The following KIAA0825 variants were observed in gnomAD, a reference collection of about 807,000 sequenced individuals.
KIAA0825 encodes KIAA0825.
KIAA0825 carries 119 observed loss-of-function variants against 147.6 expected under a neutral mutation model. The ratio of observed to expected loss-of-function variants is 0.81; its 90% CI spans 0.69 to 0.94. KIAA0825 has a LOEUF of 0.94. Among genes scored for constraint, KIAA0825 ranks in the 40% least tolerant of loss-of-function variants. KIAA0825 has a pLI of 0.00. For missense variants in KIAA0825, 1,381 were observed against 1,472.7 expected (o/e 0.94, Z 1.02); for synonymous variants, 470 against 518.1 (o/e 0.91, Z 1.26).
At position 94,484,877 on chromosome 5, in the gene KIAA0825, C is replaced by T. The variant is rs938625855; in HGVS notation, c.1024G>A (p.Val342Ile). ...GRNFSLPLDK[V>I]EFLSQLIKSF... ...TTTATGAGCTGCGATAAGAATTCGA[C>T]TTTGTCTAAAGGGAGAGAGAAGTTT... The change falls in exon 6 of 21, where the codon GTC becomes ATC. Residue 342 changes from valine to isoleucine, a missense_variant. Physicochemically the swap from Val to Ile is conservative, Grantham distance 29. Transcript: ENST00000682413. 6.5e-7 allele frequency: 1 copy of T among 1,538,830 alleles called. No individual in the cohort carries two copies. Among genetic ancestry groups the T allele is most frequent in the East Asian group, 2.5e-5 (1 of 40,634 alleles).
intron 5 of KIAA0825, among the ~76,000 whole-genome samples, chr5:94,497,722 G>C (rs1764551015): frequency 2.0e-5 from 3 of 152,184 alleles, no homozygotes; most frequent in Admixed American, 1.3e-4. Context: ...TCAAACTTTA[G>C]CATGTATCAG....
At chr5:94,186,407 C>T (rs1770124274) in intron 20 of KIAA0825, among the ~76,000 whole-genome samples, 1 of 151,958 alleles carries the variant, frequency 6.6e-6, no homozygotes, top group African/African-American at 2.4e-5. Context: ...ATAATATTTC[C>T]ATTTGGAAGA....
At chr5:94,608,261 ATTTG>A (rs1003415347) in intron 1 of KIAA0825, among the ~76,000 whole-genome samples, 35 of 122,450 alleles carry the variant, frequency 2.9e-4, no homozygotes, top group Non-Finnish European at 1.1e-4. Flanking sequence ...TTATTTATTT[ATTTG>A]TTTATTTATT....
chr5:94,272,018 C>G (rs1359566409), intron 20 of KIAA0825, among the ~76,000 whole-genome samples: 1 of 145,606 alleles, frequency 6.9e-6, no homozygotes, highest in Non-Finnish European at 1.5e-5. Context: ...TTTGCAACAG[C>G]ATGGATGGAA....
intron 20 of KIAA0825, among the ~76,000 whole-genome samples, chr5:94,259,161 G>T (rs1216823788): frequency 6.6e-6 from 1 of 151,994 alleles, no homozygotes; most frequent in Non-Finnish European, 1.5e-5. Context: ...TGCAGTTACA[G>T]AACTCATACT....
chr5:94,578,522 T>C (rs767332097), intron 2 of KIAA0825, among the ~76,000 whole-genome samples: 2 of 152,324 alleles, frequency 1.3e-5, no homozygotes, highest in Non-Finnish European at 2.9e-5. Flanking sequence ...TTATGTTTTT[T>C]TTCTGTTCTT....
chr5:94,431,037 G>A (rs1036110640), intron 14 of KIAA0825, among the ~76,000 whole-genome samples: 7 of 152,150 alleles, frequency 4.6e-5, no homozygotes, highest in Non-Finnish European at 7.4e-5. Context: ...GTATGCTTAC[G>A]TGGAAGGGGA....
At chr5:94,358,174 C>A (rs1202402395) in intron 20 of KIAA0825, among the ~76,000 whole-genome samples, 1 of 152,196 alleles carries the variant, frequency 6.6e-6, no homozygotes, top group Non-Finnish European at 1.5e-5. Context: ...GGTATTCTTA[C>A]AGCTTTTTCT....
intron 20 of KIAA0825, among the ~76,000 whole-genome samples, chr5:94,373,307 T>C (rs1055504752): frequency 4.6e-5 from 7 of 152,188 alleles, no homozygotes; most frequent in African/African-American, 1.7e-4. Flanking sequence ...CCCTCCTCCC[T>C]TGGTACCAAT....
intron 20 of KIAA0825, among the ~76,000 whole-genome samples, chr5:94,178,822 G>T (rs1455619762): frequency 6.6e-6 from 1 of 151,904 alleles, no homozygotes. Flanking sequence ...GTACCTAAAA[G>T]AAATGGAAAT....
chr5:94,491,469 C>T lies in KIAA0825; in HGVS notation c.971-6539G>A, dbSNP rs56077235. Among the ~76,000 whole-genome samples the T allele has an allele frequency of 4.6e-3, 699 of 152,238 alleles. 6 individuals are homozygous for T. The highest frequency in any genetic ancestry group is 0.01 in the Admixed American group (158 of 15,302). Reference sequence around the variant, plus strand: ...TGGATAGCAGTGGTCTGAAGAAGCACTGGGCCTCCTCAAATGCTCGGTTCC... The same window carrying T: ...TGGATAGCAGTGGTCTGAAGAAGCATTGGGCCTCCTCAAATGCTCGGTTCC... On this transcript the variant is annotated intron_variant, in intron 5 of 20. Coordinates refer to ENST00000682413, the MANE Select transcript of KIAA0825 (RefSeq NM_001145678.3).
chr5:94,391,481 G>A lies in KIAA0825; in HGVS notation c.3456+54C>T, dbSNP rs1006848726. ...GACTAACCCTTAGCTGCCAGCAGAC[G>A]CTGCCTCAGGCCAGTACACACCTAA... On this transcript the variant is annotated intron_variant, in intron 18 of 20. Transcript: ENST00000682413. The A allele has an allele frequency of 2.3e-5, 35 of 1,532,004 alleles. No homozygotes were observed. In the East Asian group the frequency reaches 2.7e-4, roughly 12 times the overall value. 94.9% of individuals were successfully genotyped at this position (1,532,004 alleles called of 1,614,324 possible). A position where few individuals can be genotyped will look rare whatever the true frequency, so the allele number is the denominator to read the frequency against.
intron 20 of KIAA0825, among the ~76,000 whole-genome samples, chr5:94,302,630 G>T (rs13153203): frequency 0.13 from 19,944 of 151,886 alleles, 1,449 homozygotes; most frequent in African/African-American, 0.18. Context: ...GCCTTGGATT[G>T]TTCTTTATTA....
At chr5:94,190,167 C>A (rs1201985854) in intron 20 of KIAA0825, among the ~76,000 whole-genome samples, 1 of 152,136 alleles carries the variant, frequency 6.6e-6, no homozygotes, top group Admixed American at 6.5e-5. Context: ...AGATTTAATA[C>A]CTTTTTTGTG....
chr5:94,513,683 TAGATAAAGATATGTACACATAC>T (rs1766816195), intron 5 of KIAA0825, among the ~76,000 whole-genome samples: 1 of 152,062 alleles, frequency 6.6e-6, no homozygotes, highest in Non-Finnish European at 1.5e-5. Context: ...AAAAAAGTTT[TAGATAAAGATATGTACACATAC>T]ATATACTACC....
chr5:94,229,062 C>G (rs1253203487), intron 20 of KIAA0825, among the ~76,000 whole-genome samples: 1 of 152,196 alleles, frequency 6.6e-6, no homozygotes, highest in East Asian at 1.9e-4. Context: ...TCCAGACTGT[C>G]TAGACCTACA....
chr5:94,523,976 G>A lies in KIAA0825; in HGVS notation c.254C>T (p.Ser85Leu). ...LTNYNYSTSE[S>L]SFISHGDLIK... ...CAAGTCTCCATGAGAAATGAAAGAT[G>A]ATTCAGATGTACTGTAATTATAGTT... The change falls in exon 4 of 21, where the codon TCA (serine) becomes TTA (leucine). Residue 85 changes from serine (S) to leucine (L), a missense_variant. By Grantham distance (145) the Ser-to-Leu change is moderately radical. Transcript: ENST00000682413. The A allele has an allele frequency of 6.2e-7, 1 of 1,604,364 alleles. No homozygotes were observed.
At chr5:94,546,792 CAAAAAA>C (rs372542896) in intron 2 of KIAA0825, among the ~76,000 whole-genome samples, 22 of 49,694 alleles carry the variant, frequency 4.4e-4, no homozygotes, top group Admixed American at 2.7e-3. Context: ...GTCCAGGCAC[CAAAAAA>C]AAAAAAAAAA....
intron 2 of KIAA0825, chr5:94,568,062 G>T: frequency 6.1e-6 from 1 of 164,726 alleles, no homozygotes; most frequent in South Asian, 1.9e-4. Context: ...AGCCAATTAG[G>T]ACTCATGGTA....
Sources: gnomAD v4.1 joint callset for allele counts (sites outside exome capture counted in the v4.1 genomes callset) on GRCh38, gnomAD v4.1.1 for gene constraint, MANE v1.5 for transcripts, NCBI Gene and HGNC (gene_info 2026-07-23, HGNC 2026-07-21) for gene names.